TCF12: variants seen among roughly 807,000 people sequenced by gnomAD.
The protein encoded by TCF12 is DNA-binding protein HTF4.
TCF12 carries 45 observed loss-of-function variants against 86.0 expected under a neutral mutation model. The ratio of observed to expected loss-of-function variants is 0.52; its 90% CI spans 0.41 to 0.67. The LOEUF (loss-of-function observed/expected upper bound fraction) is 0.67. Ranked by LOEUF, TCF12 falls within the 30% of genes least tolerant of loss-of-function variation. TCF12 has a pLI of 0.00. For synonymous variants in TCF12, 330 were observed against 299.6 expected (o/e 1.10, Z -1.05); for missense variants, 881 against 859.9 (o/e 1.02, Z -0.31).
Position 56,971,400 on chromosome 15 carries a change from C to T in TCF12, c.148+50302C>T, listed in dbSNP as rs1054946753. Among the ~76,000 whole-genome samples, 7 of 152,076 alleles carry T rather than the reference C, an allele frequency of 4.6e-5. No individual in the cohort carries two copies. The East Asian group carries it at 7.7e-4, about 17-fold the overall frequency. On this transcript the variant is annotated intron_variant, in intron 3 of 20. Coordinates refer to ENST00000333725, the MANE Select transcript of TCF12 (RefSeq NM_207037.2). ...CGAGATCACGCCACTGGACTACAGC[C>T]TGGGTGACAGCGAGACTTTATCTCA...
At position 57,233,996 on chromosome 15, in the gene TCF12, A is replaced by C. The variant is rs1198056180; in HGVS notation, c.971-47A>C. Reference sequence around the variant, plus strand: ...AATAATGGCAGAGTGCTAAAATATAATACTTGCTTGTAAAATTCTTGATTT... The same window carrying C: ...AATAATGGCAGAGTGCTAAAATATACTACTTGCTTGTAAAATTCTTGATTT... On this transcript the variant is annotated intron_variant, in intron 11 of 20. Transcript: ENST00000333725. The C allele has an allele frequency of 4.0e-6, 6 of 1,512,648 alleles. No homozygotes were observed. In the African/African-American group the frequency reaches 4.1e-5, roughly 10 times the overall value. The allele number at this position is 1,512,648 out of a possible 1,614,324, so 93.7% of individuals were successfully genotyped here. A position where few individuals can be genotyped will look rare whatever the true frequency, so the allele number is the denominator to read the frequency against.
Position 57,288,976 on chromosome 15 carries a change from G to T in TCF12, c.*2831G>T, listed in dbSNP as rs1416007455. The T allele has an allele frequency of 7.0e-6, 1 of 142,766 alleles. No homozygotes were observed. Among genetic ancestry groups the T allele is most frequent in the Non-Finnish European group, 1.5e-5 (1 of 67,478 alleles). The allele number at this position is 142,766 out of a possible 1,614,324, so 8.8% of individuals were successfully genotyped here. A position where few individuals can be genotyped will look rare whatever the true frequency, so the allele number is the denominator to read the frequency against. Reference sequence around the variant, plus strand: ...TTAAAAGTTAAAAGATCAAAAATTTGCTTTTATCCCAGTTTTTAACCACAA... The same window carrying T: ...TTAAAAGTTAAAAGATCAAAAATTTTCTTTTATCCCAGTTTTTAACCACAA... On this transcript the variant is annotated 3_prime_UTR_variant, in exon 21 of 21. Transcript: ENST00000333725.
intron 3 of TCF12, among the ~76,000 whole-genome samples, chr15:57,002,707 T>C (rs2064121247): frequency 6.6e-6 from 1 of 152,220 alleles, no homozygotes; most frequent in South Asian, 2.1e-4. Context: ...GAACTGTCAA[T>C]CGAAACGGAG....
intron 3 of TCF12, among the ~76,000 whole-genome samples, chr15:56,932,353 A>G (rs2060283570): frequency 6.6e-6 from 1 of 152,194 alleles, no homozygotes. Flanking sequence ...AGAAGTAGCA[A>G]ACTCTAATCA....
At chr15:57,032,251 C>T (rs919569848) in intron 3 of TCF12, among the ~76,000 whole-genome samples, 1 of 152,168 alleles carries the variant, frequency 6.6e-6, no homozygotes, top group African/African-American at 2.4e-5. Context: ...TTGGATGGCA[C>T]ACCCACAGGA....
At chr15:56,995,679 C>G (rs921844298) in intron 3 of TCF12, among the ~76,000 whole-genome samples, 43 of 152,166 alleles carry the variant, frequency 2.8e-4, no homozygotes, top group African/African-American at 1.0e-3. Context: ...CCTATCAGCT[C>G]TAGGAGCCTT....
chr15:57,032,753 G>C (rs528718028), intron 3 of TCF12, among the ~76,000 whole-genome samples: 39 of 152,236 alleles, frequency 2.6e-4, no homozygotes, highest in Middle Eastern at 3.4e-3. Flanking sequence ...CTGATCCTTA[G>C]TTTTATAGCA....
At chr15:57,035,371 C>G (rs1396949146) in intron 3 of TCF12, among the ~76,000 whole-genome samples, 1 of 152,196 alleles carries the variant, frequency 6.6e-6, no homozygotes, top group Non-Finnish European at 1.5e-5. Flanking sequence ...TCAAGCAATT[C>G]TTTTGCATCA....
intron 16 of TCF12, among the ~76,000 whole-genome samples, chr15:57,255,699 G>T (rs919873684): frequency 6.6e-6 from 1 of 152,080 alleles, no homozygotes; most frequent in African/African-American, 2.4e-5. Context: ...GGCCAGGCTG[G>T]TCTCAAACTC....
chr15:57,164,491 C>T (rs1659421372), intron 5 of TCF12, among the ~76,000 whole-genome samples: 1 of 152,054 alleles, frequency 6.6e-6, no homozygotes, highest in African/African-American at 2.4e-5. Context: ...ATAAAATCAT[C>T]AGATCTTGTG....
chr15:57,046,471 C>T (rs1036277116), intron 3 of TCF12, among the ~76,000 whole-genome samples: 3 of 152,136 alleles, frequency 2.0e-5, no homozygotes, highest in Non-Finnish European at 4.4e-5. Flanking sequence ...GAGATGGAGT[C>T]TCACTCTGTT....
At chr15:56,992,680 G>T (rs1323608834) in intron 3 of TCF12, among the ~76,000 whole-genome samples, 1 of 152,138 alleles carries the variant, frequency 6.6e-6, no homozygotes, top group Non-Finnish European at 1.5e-5. Context: ...ACCTTGCAGT[G>T]ATCATCTGTA....
intron 7 of TCF12, among the ~76,000 whole-genome samples, chr15:57,194,521 T>TA (rs1566896293): frequency 1.3e-5 from 2 of 152,344 alleles, no homozygotes; most frequent in African/African-American, 2.4e-5. Flanking sequence ...CAGTTATTGA[T>TA]AAAATCTCAG....
At chr15:57,250,913 A>G (rs1453042016) in intron 13 of TCF12, among the ~76,000 whole-genome samples, 1 of 151,790 alleles carries the variant, frequency 6.6e-6, no homozygotes, top group Non-Finnish European at 1.5e-5. Context: ...AAAGAAAAAG[A>G]AGAAACAAAA....
At chr15:57,082,782 C>T (rs1248473414) in intron 4 of TCF12, among the ~76,000 whole-genome samples, 1 of 152,008 alleles carries the variant, frequency 6.6e-6, no homozygotes, top group East Asian at 1.9e-4. Flanking sequence ...CACAAGCATA[C>T]CTTGCAAACC....
At chr15:56,955,239 A>G (rs907880238) in intron 3 of TCF12, among the ~76,000 whole-genome samples, 3 of 152,226 alleles carry the variant, frequency 2.0e-5, no homozygotes, top group Admixed American at 1.3e-4. Flanking sequence ...TGATGAGTTC[A>G]TGTCCTTTGT....
At chr15:56,976,233 T>C (rs1222713091) in intron 3 of TCF12, among the ~76,000 whole-genome samples, 1 of 133,282 alleles carries the variant, frequency 7.5e-6, no homozygotes, top group Middle Eastern at 3.4e-3. Flanking sequence ...TCTTTTTTTT[T>C]TTTTTTTTTT....
chr15:57,078,078 T>G (rs1387301285), intron 4 of TCF12, among the ~76,000 whole-genome samples: 2 of 152,180 alleles, frequency 1.3e-5, no homozygotes, highest in African/African-American at 4.8e-5. Context: ...GTTGTGATGA[T>G]CAAAATGACA....
At chr15:57,085,844 T>C (rs1353575535) in intron 4 of TCF12, among the ~76,000 whole-genome samples, 1 of 152,172 alleles carries the variant, frequency 6.6e-6, no homozygotes, top group Non-Finnish European at 1.5e-5. Flanking sequence ...TTCTTCTGGC[T>C]TTTGCCCACT....
Sources: gnomAD v4.1 joint callset for allele counts (sites outside exome capture counted in the v4.1 genomes callset) on GRCh38, gnomAD v4.1.1 for gene constraint, MANE v1.5 for transcripts, NCBI Gene and HGNC (gene_info 2026-07-23, HGNC 2026-07-21) for gene names.